Variants in ADAMTS17 observed in about 807,000 individuals in gnomAD.
The protein encoded by ADAMTS17 is A disintegrin and metalloproteinase with thrombospondin motifs 17.
A neutral mutation model predicts 141.5 loss-of-function variants in ADAMTS17; 113 were observed. That is an observed-to-expected ratio of 0.80 (90% CI 0.69 to 0.93). The LOEUF is 0.93. ADAMTS17 is among the 40% of genes least tolerant of loss of function. ADAMTS17 has a pLI of 0.00. For synonymous variants in ADAMTS17, 768 were observed against 630.6 expected, an observed-to-expected ratio of 1.22 and a Z score of -3.27; for missense variants, 1,659 against 1,517.9, an observed-to-expected ratio of 1.09 and a Z score of -1.54.
intron 13 of ADAMTS17, among the ~76,000 whole-genome samples, chr15:100,115,538 C>A (rs1362875632): frequency 2.0e-5 from 3 of 152,162 alleles, no homozygotes; most frequent in African/African-American, 4.8e-5. Context: ...TTTAGAGCAT[C>A]ACATGTTGCT....
chr15:100,026,357 T>C (rs1596257378), intron 18 of ADAMTS17, among the ~76,000 whole-genome samples: 1 of 152,252 alleles, frequency 6.6e-6, no homozygotes, highest in East Asian at 1.9e-4. Flanking sequence ...AACATTCTTG[T>C]ACATGTCTTG....
chr15:100,096,183 A>T (rs763195672), intron 15 of ADAMTS17, among the ~76,000 whole-genome samples, 173 bp downstream of exon 15: 2 of 152,214 alleles, frequency 1.3e-5, no homozygotes, highest in Non-Finnish European at 2.9e-5. Flanking sequence ...TGAAGGCATC[A>T]TTCTTGCTAA....
chr15:100,191,189 A>C (rs2040904005), intron 8 of ADAMTS17, among the ~76,000 whole-genome samples: 1 of 152,226 alleles, frequency 6.6e-6, no homozygotes, highest in African/African-American at 2.4e-5. Flanking sequence ...ATTTTAGGCA[A>C]GGGAATCTAC....
chr15:100,233,286 C>G (rs548420179), intron 7 of ADAMTS17, among the ~76,000 whole-genome samples: 1 of 150,610 alleles, frequency 6.6e-6, no homozygotes, highest in East Asian at 2.0e-4. Flanking sequence ...GCCAAGATTG[C>G]GCTATGGCAC....
chr15:100,287,249 A>G (rs1459679929), intron 3 of ADAMTS17, among the ~76,000 whole-genome samples: 1 of 152,222 alleles, frequency 6.6e-6, no homozygotes, highest in East Asian at 1.9e-4. Context: ...TTCATAATGC[A>G]ATCGCAAGTA....
rs113661603 is a variant in ADAMTS17, at chr15:100,167,418, C to G, written c.1182-12098G>C. Among the ~76,000 whole-genome samples the G allele has an allele frequency of 5.8e-3, 876 of 152,288 alleles. 12 individuals are homozygous for G. The highest frequency in any genetic ancestry group is 0.019 in the African/African-American group (803 of 41,564). On this transcript the variant is annotated intron_variant, in intron 8 of 21. Transcript: ENST00000268070. ...GTGATCTTAATTTACACCCAGTTTA[C>G]CCTCCCAGATGGTCGTGCGGATGCC...
intron 2 of ADAMTS17, among the ~76,000 whole-genome samples, chr15:100,338,620 G>T (rs1428028409): frequency 1.1e-5 from 1 of 93,762 alleles, no homozygotes; most frequent in Non-Finnish European, 2.1e-5. Context: ...CTTAAGAGAA[G>T]AAGTTTGCCC....
At chr15:100,189,253 G>A (rs2040832200) in intron 8 of ADAMTS17, among the ~76,000 whole-genome samples, 1 of 152,230 alleles carries the variant, frequency 6.6e-6, no homozygotes, top group African/African-American at 2.4e-5. Flanking sequence ...ATGGGATGTA[G>A]GAGTTTTAGG....
In ADAMTS17 at chr15:100,262,964, T is replaced by A. The variant is rs74247544; in HGVS notation, c.790-529A>T. Among the ~76,000 whole-genome samples, 7 of 151,712 alleles carry A rather than the reference T, an allele frequency of 4.6e-5. No individual in the cohort carries two copies. The East Asian group carries it at 1.4e-3, about 29-fold the overall frequency. ...AAAAATGGATTTGCCAAAAGAAAAA[T>A]GTATATAAGAGAAACCTCTAGAATC... On this transcript the variant is annotated intron_variant, in intron 4 of 21. Transcript: ENST00000268070.
chr15:100,090,770 G>A (rs973349317), intron 15 of ADAMTS17, among the ~76,000 whole-genome samples: 1 of 152,132 alleles, frequency 6.6e-6, no homozygotes, highest in Non-Finnish European at 1.5e-5. Context: ...CACTTTGGGA[G>A]GCTGAGGCGG....
At chr15:100,126,994 CAG>C (rs1491515551) in intron 12 of ADAMTS17, among the ~76,000 whole-genome samples, 1 of 152,162 alleles carries the variant, frequency 6.6e-6, no homozygotes, top group African/African-American at 2.4e-5. Flanking sequence ...AGCAGGCTGT[CAG>C]GGGCAGAGAT....
intron 3 of ADAMTS17, among the ~76,000 whole-genome samples, chr15:100,329,482 C>T (rs997120265): frequency 2.9e-4 from 43 of 149,724 alleles, no homozygotes; most frequent in African/African-American, 9.7e-4. Flanking sequence ...GCCATGATCA[C>T]ACCACTGCAC....
At chr15:100,038,761 T>C (rs1225447747) in intron 18 of ADAMTS17, among the ~76,000 whole-genome samples, 1 of 152,252 alleles carries the variant, frequency 6.6e-6, no homozygotes, top group African/African-American at 2.4e-5. Flanking sequence ...CATTTGTAAA[T>C]ACAGACAGTT....
chr15:100,264,262 G>A (rs1359502858), intron 4 of ADAMTS17, among the ~76,000 whole-genome samples: 2 of 152,148 alleles, frequency 1.3e-5, no homozygotes, highest in Admixed American at 1.3e-4. Context: ...GGGAGGAGGG[G>A]GGAGGCACCC....
At chr15:100,117,084 T>C in intron 12 of ADAMTS17, 71 bp from the exon 13 acceptor site, 1 of 1,526,740 alleles carries the variant, frequency 6.5e-7, no homozygotes, top group Non-Finnish European at 8.8e-7. Context: ...TTTCCGTCTC[T>C]CTTGCCAGGG....
At chr15:100,170,018 C>T (rs906228914) in intron 8 of ADAMTS17, among the ~76,000 whole-genome samples, 10 of 152,060 alleles carry the variant, frequency 6.6e-5, no homozygotes, top group African/African-American at 1.9e-4. Flanking sequence ...AGGTCCGAGA[C>T]ATTACCTGTG....
chr15:100,300,152 C>T (rs971723125), intron 3 of ADAMTS17, among the ~76,000 whole-genome samples: 1 of 152,090 alleles, frequency 6.6e-6, no homozygotes, highest in Non-Finnish European at 1.5e-5. Flanking sequence ...CCAACATGCC[C>T]AGGGCTGTTT....
Position 100,199,199 on chromosome 15 carries a change from A to G in ADAMTS17, c.1181+119T>C. The G allele has an allele frequency of 9.5e-6, 9 of 947,896 alleles. No homozygotes were observed. In the Admixed American group the frequency reaches 1.6e-4, roughly 17 times the overall value. 58.7% of individuals were successfully genotyped at this position (947,896 alleles called of 1,614,324 possible). On this transcript the variant is annotated intron_variant, in intron 8 of 21. Transcript: ENST00000268070. ...CCTAGTGTACTGACCTGGGTCCTTT[A>G]TTGCAGATGCAGCAAAGGCATAGAG...
At chr15:100,192,604 G>A (rs1159481585) in intron 8 of ADAMTS17, among the ~76,000 whole-genome samples, 1 of 152,170 alleles carries the variant, frequency 6.6e-6, no homozygotes, top group Non-Finnish European at 1.5e-5. Flanking sequence ...AACATTTGAG[G>A]CAAGAGCAGC....
Sources: allele counts gnomAD v4.1 joint callset (sites outside exome capture counted in the v4.1 genomes callset), GRCh38; gene constraint gnomAD v4.1.1; transcripts MANE v1.5; gene names NCBI Gene and HGNC (gene_info 2026-07-23, HGNC 2026-07-21).